Variants in RGPD2 observed in about 807,000 individuals in gnomAD.
RGPD2 encodes RANBP2 like and GRIP domain containing 2.
RGPD2 carries 2 observed loss-of-function variants against 36.0 expected under a neutral mutation model. The observed-to-expected ratio is 0.06, with a 90% CI of 0.02 to 0.17. The LOEUF is 0.17. Among genes scored for constraint, RGPD2 ranks in the 10% least tolerant of loss-of-function variants. The probability of loss-of-function intolerance (pLI) is 1.00; values close to 1 mark genes in which losing one functional copy is unlikely to be tolerated. For synonymous variants in RGPD2, 19 were observed against 163.8 expected, an observed-to-expected ratio of 0.12 and a Z score of 6.75; for missense variants, 40 against 464.3, an observed-to-expected ratio of 0.09 and a Z score of 8.40.
rs192443832 is a variant in RGPD2 at position 87,825,693 on chromosome 2, C to G, written c.37G>C (p.Ala13Pro). 0.045 allele frequency: 71,021 copies of G among 1,577,076 alleles called. 2,012 individuals carry two copies. Among genetic ancestry groups the G allele is most frequent in the Middle Eastern group, 0.061 (267 of 4,348 alleles). ...GACGGGGCGGAGCCCTGCACCGAGG[C>G]GAGGTACCGCTCCCCGTAGGCTTTG... is the stretch of plus-strand genomic sequence containing the variant. The part of the protein sequence containing the change: ...RSKAYGERYL[A>P]SVQGSAPSPG... The change falls in exon 1 of 23, where the codon GCC becomes CCC. Residue 13 changes from alanine (A) to proline (P), a missense_variant. Coordinates refer to ENST00000398146, the MANE Select transcript of RGPD2 (RefSeq NM_001078170.3).
chr2:87,963,837 C>CTTTCT, the RGPD2 span, among the ~76,000 whole-genome samples: 13 of 88,824 alleles, frequency 1.5e-4, no homozygotes, highest in South Asian at 3.5e-3. Context: ...TTCTTTCTTT[C>CTTTCT]TTTTTTTTTT....
chr2:87,937,527 C>A, the RGPD2 span, among the ~76,000 whole-genome samples: 15 of 151,818 alleles, frequency 9.9e-5, no homozygotes, highest in Admixed American at 6.6e-5. Context: ...GTAGGCATGT[C>A]ACATGATGAA....
the RGPD2 span, among the ~76,000 whole-genome samples, chr2:87,885,503 C>T: frequency 2.0e-5 from 3 of 151,224 alleles, no homozygotes; most frequent in Admixed American, 6.6e-5. Context: ...CTAGCCAGAG[C>T]AATTAGGCAA....
At chr2:87,877,576 G>A in the RGPD2 span, among the ~76,000 whole-genome samples, 2 of 152,174 alleles carry the variant, frequency 1.3e-5, no homozygotes, top group African/African-American at 2.4e-5. Flanking sequence ...GGCCGAGGAG[G>A]GCAGATCACG....
chr2:87,769,150 TAG>T (rs965764864), intron 22 of RGPD2, among the ~76,000 whole-genome samples: 2 of 89,796 alleles, frequency 2.2e-5, no homozygotes, highest in African/African-American at 8.0e-5. Flanking sequence ...GTATTCTGAG[TAG>T]AGACGGGGTT....
the RGPD2 span, among the ~76,000 whole-genome samples, chr2:87,929,002 C>T: frequency 1.3e-5 from 2 of 151,736 alleles, no homozygotes; most frequent in Admixed American, 6.6e-5. Flanking sequence ...TGTAGGTTGT[C>T]GGGTTACTCT....
the RGPD2 span, among the ~76,000 whole-genome samples, chr2:87,845,805 G>A: frequency 2.6e-5 from 4 of 151,994 alleles, no homozygotes; most frequent in African/African-American, 9.7e-5. Flanking sequence ...ATTTTCCATT[G>A]TCATTGTTTC....
At chr2:87,952,244 T>A in the RGPD2 span, among the ~76,000 whole-genome samples, 2 of 152,174 alleles carry the variant, frequency 1.3e-5, no homozygotes, top group Non-Finnish European at 1.5e-5. Context: ...TAATTTTTTT[T>A]ATACAATTAG....
chr2:87,825,575 G>GCCCAGGTCGAGGCCGCCGCCCGGC, intron 1 of RGPD2, 83 bp downstream of exon 1: 1 of 1,053,748 alleles, frequency 9.5e-7, no homozygotes, highest in East Asian at 7.3e-5. Flanking sequence ...CCGCCGCCCG[G>GCCCAGGTCGAGGCCGCCGCCCGGC]CCAGGTCGAG....
At chr2:87,897,298 A>G in the RGPD2 span, among the ~76,000 whole-genome samples, 2 of 148,086 alleles carry the variant, frequency 1.4e-5, no homozygotes, top group South Asian at 4.6e-4. Context: ...ATGACATTCA[A>G]TGACTGAAGG....
the RGPD2 span, among the ~76,000 whole-genome samples, chr2:87,876,281 C>G: frequency 1.4e-5 from 2 of 145,214 alleles, no homozygotes; most frequent in Non-Finnish European, 3.0e-5. Flanking sequence ...TTTGTTTGCT[C>G]TTGATTCTCT....
chr2:87,866,650 C>T, the RGPD2 span, among the ~76,000 whole-genome samples: 2 of 152,246 alleles, frequency 1.3e-5, no homozygotes, highest in East Asian at 1.9e-4. Flanking sequence ...CCCCTTCTCA[C>T]CCCCCTTCCC....
the RGPD2 span, among the ~76,000 whole-genome samples, chr2:87,857,629 A>C: frequency 2.6e-5 from 4 of 151,890 alleles, no homozygotes; most frequent in African/African-American, 9.7e-5. Context: ...CTGGCCCAAA[A>C]TATTCGTATA....
chr2:87,917,059 A>G, the RGPD2 span, among the ~76,000 whole-genome samples: 12 of 152,034 alleles, frequency 7.9e-5, no homozygotes, highest in Admixed American at 2.6e-4. Flanking sequence ...ACACATGCAA[A>G]TATCTAAGGT....
At chr2:87,964,989 C>G in the RGPD2 span, among the ~76,000 whole-genome samples, 3 of 151,994 alleles carry the variant, frequency 2.0e-5, no homozygotes, top group African/African-American at 4.8e-5. Flanking sequence ...CTTACCCCCA[C>G]CAAACTAGTA....
the RGPD2 span, among the ~76,000 whole-genome samples, chr2:87,853,523 T>C: frequency 1.3e-5 from 2 of 151,454 alleles, no homozygotes; most frequent in African/African-American, 4.9e-5. Flanking sequence ...ACACCTGGCC[T>C]TTTAACTCTA....
the RGPD2 span, among the ~76,000 whole-genome samples, chr2:87,914,699 T>G: frequency 7.3e-6 from 1 of 136,500 alleles, no homozygotes; most frequent in Non-Finnish European, 1.5e-5. Flanking sequence ...GTCTTTGGCC[T>G]CACATATGTA....
At chr2:87,894,302 T>C in the RGPD2 span, among the ~76,000 whole-genome samples, 1 of 151,968 alleles carries the variant, frequency 6.6e-6, no homozygotes, top group Admixed American at 6.6e-5. Context: ...CTGTGTTTAA[T>C]ATCTTAGTTT....
At chr2:87,919,451 C>T in the RGPD2 span, among the ~76,000 whole-genome samples, 6 of 152,206 alleles carry the variant, frequency 3.9e-5, no homozygotes, top group South Asian at 6.2e-4. Flanking sequence ...TTTGGCTGCT[C>T]TTGCGAGTAA....
Sources: allele counts gnomAD v4.1 joint callset (sites outside exome capture counted in the v4.1 genomes callset), GRCh38; gene constraint gnomAD v4.1.1; transcripts MANE v1.5; gene names NCBI Gene and HGNC (gene_info 2026-07-23, HGNC 2026-07-21).